Variants in SLC24A2 observed in about 807,000 individuals in gnomAD.
SLC24A2 encodes the protein solute carrier family 24 member 2.
SLC24A2 carries 36 observed loss-of-function variants against 62.0 expected under a neutral mutation model. That is an observed-to-expected ratio of 0.58 (90% CI 0.44 to 0.77). The LOEUF (loss-of-function observed/expected upper bound fraction) is 0.77, where lower values mean the gene tolerates loss of function less well. Among genes scored for constraint, SLC24A2 ranks in the 30% least tolerant of loss-of-function variants. SLC24A2 has a pLI of 0.00. For synonymous variants in SLC24A2, 358 were observed against 294.0 expected, an observed-to-expected ratio of 1.22 and a Z score of -2.23; for missense variants, 846 against 817.9, an observed-to-expected ratio of 1.03 and a Z score of -0.42.
intron 7 of SLC24A2, 21 bp downstream of exon 7, chr9:19,573,330 A>G: frequency 6.9e-7 from 1 of 1,456,220 alleles, no homozygotes; most frequent in South Asian, 1.1e-5. Context: ...AGCCCAGAAG[A>G]GCAATGGAGA....
At chr9:20,161,006 A>C in the SLC24A2 span, among the ~76,000 whole-genome samples, 1 of 151,336 alleles carries the variant, frequency 6.6e-6, no homozygotes, top group Non-Finnish European at 1.5e-5. Context: ...ATTTAATTTA[A>C]AAAATGAGAA....
chr9:19,667,402 G>A (rs572926850), intron 2 of SLC24A2, among the ~76,000 whole-genome samples: 10 of 152,170 alleles, frequency 6.6e-5, no homozygotes, highest in African/African-American at 1.7e-4. Flanking sequence ...ATATTGTCCC[G>A]AACACTTTCA....
At chr9:20,265,608 G>T in the SLC24A2 span, among the ~76,000 whole-genome samples, 220 of 152,300 alleles carry the variant, frequency 1.4e-3, 1 homozygote, top group African/African-American at 5.1e-3. Context: ...TCAGGACCCT[G>T]TGATGATTGC....
At chr9:20,232,323 T>C in the SLC24A2 span, among the ~76,000 whole-genome samples, 4 of 152,188 alleles carry the variant, frequency 2.6e-5, no homozygotes, top group East Asian at 1.9e-4. Flanking sequence ...CCAGCTCCTC[T>C]TTGTACCTCT....
chr9:20,297,827 C>G, the SLC24A2 span, among the ~76,000 whole-genome samples: 19 of 152,374 alleles, frequency 1.2e-4, no homozygotes, highest in Admixed American at 7.8e-4. Flanking sequence ...ACGGAACATC[C>G]TTTGCTCACA....
chr9:20,088,497 G>A, the SLC24A2 span, among the ~76,000 whole-genome samples: 2 of 152,094 alleles, frequency 1.3e-5, no homozygotes, highest in South Asian at 2.1e-4. Flanking sequence ...AGAATTTCCC[G>A]GCCTAGGTCT....
chr9:20,223,761 A>C, the SLC24A2 span, among the ~76,000 whole-genome samples: 1 of 152,248 alleles, frequency 6.6e-6, no homozygotes, highest in Admixed American at 6.5e-5. Flanking sequence ...ATGGTGCTAG[A>C]ATAATTGGTT....
chr9:19,788,957 C>G lies in SLC24A2; in HGVS notation c.-226G>C. On this transcript the variant is annotated 5_prime_UTR_variant, in exon 1 of 11. Coordinates refer to ENST00000341998, the MANE Select transcript of SLC24A2 (RefSeq NM_020344.4). ...CCCGCCGCTCCAGTCCGCCGGCCCT[C>G]CGCCTACCCGCTCTGAGGCCCGGGC... 1.0e-6 allele frequency: 1 copy of G among 985,000 alleles called. No individual in the cohort carries two copies. Among genetic ancestry groups the G allele is most frequent in the Non-Finnish European group, 1.2e-6 (1 of 829,554 alleles). The allele number at this position is 985,000 out of a possible 1,614,324, so 61.0% of individuals were successfully genotyped here.
At chr9:20,128,975 T>C in the SLC24A2 span, among the ~76,000 whole-genome samples, 12 of 152,182 alleles carry the variant, frequency 7.9e-5, no homozygotes, top group Admixed American at 4.6e-4. Context: ...TGTGCATCGA[T>C]GGATACTATA....
At chr9:19,700,361 C>A (rs774416538) in intron 2 of SLC24A2, among the ~76,000 whole-genome samples, 7 of 152,144 alleles carry the variant, frequency 4.6e-5, no homozygotes, top group Non-Finnish European at 7.4e-5. Context: ...TCCACTCTTA[C>A]TCTGAAACAA....
chr9:19,760,032 A>G (rs958024288), intron 2 of SLC24A2, among the ~76,000 whole-genome samples: 6 of 152,196 alleles, frequency 3.9e-5, no homozygotes, highest in Non-Finnish European at 7.3e-5. Context: ...GGTGTGATCC[A>G]CAGATGATTT....
chr9:20,084,636 T>C, the SLC24A2 span, among the ~76,000 whole-genome samples: 180 of 152,162 alleles, frequency 1.2e-3, 2 homozygotes, highest in African/African-American at 4.3e-3. Flanking sequence ...ACCTCATTCA[T>C]TGCTGGAGGC....
At chr9:19,978,770 CTT>C in the SLC24A2 span, among the ~76,000 whole-genome samples, 1 of 151,932 alleles carries the variant, frequency 6.6e-6, no homozygotes, top group Admixed American at 6.6e-5. Context: ...GAAGAGAAAA[CTT>C]ATATTCTTGC....
At chr9:19,728,528 G>A (rs1159654046) in intron 2 of SLC24A2, among the ~76,000 whole-genome samples, 3 of 152,054 alleles carry the variant, frequency 2.0e-5, no homozygotes, top group Admixed American at 2.0e-4. Context: ...TTTCTGCTTT[G>A]CTATAATGAA....
chr9:20,249,168 T>C, the SLC24A2 span, among the ~76,000 whole-genome samples: 1 of 152,226 alleles, frequency 6.6e-6, no homozygotes. Flanking sequence ...ACATGGATGA[T>C]AAAGTATATA....
At chr9:20,210,604 G>A in the SLC24A2 span, among the ~76,000 whole-genome samples, 1 of 142,116 alleles carries the variant, frequency 7.0e-6, no homozygotes, top group African/African-American at 2.6e-5. Flanking sequence ...CTCCCGAGTA[G>A]CTGGGACTAC....
At chr9:19,884,164 A>G in the SLC24A2 span, among the ~76,000 whole-genome samples, 1 of 152,212 alleles carries the variant, frequency 6.6e-6, no homozygotes, top group Non-Finnish European at 1.5e-5. Flanking sequence ...CTAGAAATTC[A>G]TCTATAATGA....
chr9:19,546,401 A>G (rs76065314), intron 8 of SLC24A2, among the ~76,000 whole-genome samples: 12,168 of 152,078 alleles, frequency 0.08, 717 homozygotes, highest in Non-Finnish European at 0.13. Flanking sequence ...GGAGGAATCT[A>G]TAGAAGCAGT....
the SLC24A2 span, among the ~76,000 whole-genome samples, chr9:19,975,735 C>CT: frequency 1.5e-4 from 22 of 149,438 alleles, no homozygotes; most frequent in East Asian, 3.9e-4. Context: ...GGGTTGGAGA[C>CT]TTTTTTTTTT....
Sources: allele counts gnomAD v4.1 joint callset (sites outside exome capture counted in the v4.1 genomes callset), GRCh38; gene constraint gnomAD v4.1.1; transcripts MANE v1.5; gene names NCBI Gene and HGNC (gene_info 2026-07-23, HGNC 2026-07-21).